Variants in CATSPERD observed in about 807,000 individuals in gnomAD.
CATSPERD encodes the protein catsper channel auxiliary subunit delta, also known as cation channel sperm-associated auxiliary subunit delta.
A neutral mutation model predicts 98.1 loss-of-function variants in CATSPERD; 86 were observed. The observed-to-expected ratio is 0.88, with a 90% CI of 0.74 to 1.05. The LOEUF (loss-of-function observed/expected upper bound fraction) is 1.05. CATSPERD is among the 50% of genes least tolerant of loss of function. The pLI is 0.00. For synonymous variants in CATSPERD, 394 were observed against 390.2 expected (o/e 1.01, Z -0.12); for missense variants, 995 against 1,005.7 (o/e 0.99, Z 0.14).
chr19:5,764,962 G>A (rs1194829006), intron 16 of CATSPERD, among the ~76,000 whole-genome samples: 2 of 151,872 alleles, frequency 1.3e-5, no homozygotes, highest in Non-Finnish European at 2.9e-5. Flanking sequence ...CCAGGCTGCC[G>A]CACAGTAGCA....
Position 5,776,254 on chromosome 19 carries a change from A to G in CATSPERD, c.2035A>G (p.Ile679Val), listed in dbSNP as rs375246776. 2.5e-6 allele frequency: 4 copies of G among 1,614,132 alleles called. No homozygotes were observed. The highest frequency in any genetic ancestry group is 2.5e-6 in the Non-Finnish European group (3 of 1,180,024). The change falls in exon 21 of 22, where the codon ATC (isoleucine) becomes GTC (valine). Residue 679 changes from isoleucine (I) to valine (V), a missense_variant. Physicochemically the swap from Ile to Val is conservative, Grantham distance 29. This residue lies in a region of CATSPERD where 762 missense variants were observed against 773.7 expected (regional missense o/e 0.98). Transcript: ENST00000381624. ...CTTGGGCGGCCGGACAGCAAACCAG[A>G]TCATTTTCGGCCACAATGGCTTTTA... ...QILGGRTANQ[I>V]IFGHNGFYVF...
intron 7 of CATSPERD, among the ~76,000 whole-genome samples, chr19:5,742,270 ATG>A (rs1363751627): frequency 6.3e-5 from 9 of 142,602 alleles, no homozygotes; most frequent in Non-Finnish European, 1.1e-4. Flanking sequence ...GTGCGTGTGC[ATG>A]TGTGTACGTG....
At chr19:5,739,495 A>G (rs1304910762) in intron 7 of CATSPERD, 56 bp downstream of exon 7, 1 of 1,029,944 alleles carries the variant, frequency 9.7e-7, no homozygotes, top group Non-Finnish European at 1.5e-6. Flanking sequence ...TTGTGATTGT[A>G]GTAATTGCTG....
intron 5 of CATSPERD, among the ~76,000 whole-genome samples, chr19:5,735,663 T>C (rs1374842595): frequency 6.6e-6 from 1 of 151,858 alleles, no homozygotes; most frequent in African/African-American, 2.4e-5. Context: ...TTAGTATAGA[T>C]GGGGTTCCAC....
chr19:5,768,309 C>A, intron 18 of CATSPERD, 67 bp downstream of exon 18: 2 of 1,153,930 alleles, frequency 1.7e-6, no homozygotes, highest in Non-Finnish European at 2.4e-6. Flanking sequence ...AAGCCAAGAG[C>A]AAATTAGGAA....
At chr19:5,723,251 G>T (rs2055534877) in intron 1 of CATSPERD, among the ~76,000 whole-genome samples, 1 of 151,376 alleles carries the variant, frequency 6.6e-6, no homozygotes, top group African/African-American at 2.4e-5. Flanking sequence ...TACATTTTGT[G>T]TGTACTTATG....
intron 1 of CATSPERD, among the ~76,000 whole-genome samples, chr19:5,723,526 G>A (rs1437373013): frequency 6.9e-6 from 1 of 145,438 alleles, no homozygotes; most frequent in African/African-American, 2.6e-5. Context: ...GTGCAATGGC[G>A]CCATCTCGGC....
intron 6 of CATSPERD, among the ~76,000 whole-genome samples, chr19:5,738,514 G>A (rs1422317272): frequency 6.6e-6 from 1 of 152,080 alleles, no homozygotes; most frequent in African/African-American, 2.4e-5. Flanking sequence ...TGGGGCAATA[G>A]AGCCAGAACT....
At chr19:5,744,141 G>A (rs1285209069) in intron 7 of CATSPERD, among the ~76,000 whole-genome samples, 2 of 151,862 alleles carry the variant, frequency 1.3e-5, no homozygotes, top group East Asian at 1.9e-4. Context: ...CACCACACCC[G>A]GCTAATTTTT....
chr19:5,753,211 G>A (rs748203609), intron 12 of CATSPERD, among the ~76,000 whole-genome samples: 44 of 151,984 alleles, frequency 2.9e-4, no homozygotes, highest in South Asian at 6.3e-4. Flanking sequence ...GTTGGGAAAC[G>A]GGCAAGACTG....
chr19:5,746,165 A>G, intron 9 of CATSPERD, 102 bp downstream of exon 9: 3 of 1,259,970 alleles, frequency 2.4e-6, no homozygotes, highest in Non-Finnish European at 1.1e-6. Flanking sequence ...CCCCTCGACC[A>G]CTCGGTTATT....
intron 16 of CATSPERD, 39 bp from the exon 17 acceptor site, chr19:5,766,064 A>T: frequency 6.4e-7 from 1 of 1,568,224 alleles, no homozygotes; most frequent in Non-Finnish European, 8.8e-7. Context: ...GGTGACCCTC[A>T]CTGACCTGGG....
At position 5,766,109 on chromosome 19, in the gene CATSPERD, C is replaced by G. The variant is rs751910899; in HGVS notation, c.1513C>G (p.Leu505Val). The G allele has an allele frequency of 1.2e-6, 2 of 1,613,080 alleles. No homozygotes were observed. The highest frequency in any genetic ancestry group is 3.3e-5 in the Admixed American group (2 of 59,862). ...SCVDIKPLST[L>V]ISVGCDLDKK... Reference sequence around the variant, plus strand: ...CTGTCTCTCTCCTCTGCAGTCGACACTGATTTCAGTTGGCTGCGACCTGGA... The same window carrying G: ...CTGTCTCTCTCCTCTGCAGTCGACAGTGATTTCAGTTGGCTGCGACCTGGA... The change falls in exon 17 of 22, where the codon CTG (leucine) becomes GTG (valine). Residue 505 changes from leucine (L) to valine (V), a missense_variant. Physicochemically the swap from Leu to Val is conservative, Grantham distance 32 (BLOSUM62 1). Coordinates refer to ENST00000381624, the MANE Select transcript of CATSPERD (RefSeq NM_152784.4).
intron 11 of CATSPERD, among the ~76,000 whole-genome samples, chr19:5,749,549 G>A (rs1162905025): frequency 6.6e-6 from 1 of 152,112 alleles, no homozygotes; most frequent in African/African-American, 2.4e-5. Context: ...AATCACTCTA[G>A]TTAGTAAAAC....
At chr19:5,777,715 T>G (rs538612949) in intron 21 of CATSPERD, among the ~76,000 whole-genome samples, 131 of 151,034 alleles carry the variant, frequency 8.7e-4, no homozygotes, top group African/African-American at 2.9e-3. Flanking sequence ...AAGCTCCGTC[T>G]CTACTAAAAA....
At chr19:5,722,272 C>T (rs1487620735) in intron 1 of CATSPERD, among the ~76,000 whole-genome samples, 1 of 152,086 alleles carries the variant, frequency 6.6e-6, no homozygotes, top group Non-Finnish European at 1.5e-5. Flanking sequence ...TGGGCGCCTG[C>T]CACCACGTGC....
At position 5,729,879 on chromosome 19, in the gene CATSPERD, G is replaced by C; in HGVS notation, c.211G>C (p.Val71Leu). 6.3e-7 allele frequency: 1 copy of C among 1,580,670 alleles called. No individual in the cohort carries two copies. The highest frequency in any genetic ancestry group is 8.6e-7 in the Non-Finnish European group (1 of 1,156,260). Residue 71 changes from valine to leucine, a missense_variant, in exon 4 of 22, where the codon GTT (valine) becomes CTT (leucine). Val to Leu is a conservative substitution (Grantham distance 32). Around this residue, in one of 3 missense-constraint regions of CATSPERD, gnomAD observed 228 missense variants for 209.6 expected, o/e 1.09. Coordinates refer to ENST00000381624, the MANE Select transcript of CATSPERD (RefSeq NM_152784.4). ...ATTTATTGTTTATTTCAGGAAACAAGTTTTTTTCACAATGGATAACTTTGA... is the reference window on the plus strand; with the variant it reads ...ATTTATTGTTTATTTCAGGAAACAACTTTTTTTCACAATGGATAACTTTGA... Reference protein sequence around the residue: ...KNIALYLGKQVFFTMDNFETS... With the variant: ...KNIALYLGKQLFFTMDNFETS...
rs554106600 is a variant in CATSPERD, at chr19:5,732,248, G to A, written c.277-1608G>A. On this transcript the variant is annotated intron_variant, in intron 4 of 21. Coordinates refer to ENST00000381624, the MANE Select transcript of CATSPERD (RefSeq NM_152784.4). ...GTTCTCCCAGAGTGCTAGGATTACA[G>A]GCATGAGCCACCACGCCCAGCTTCA... 1.2e-4 allele frequency among the ~76,000 whole-genome samples: 19 copies of A among 152,162 alleles called. No individual in the cohort carries two copies. In the South Asian group the frequency reaches 3.3e-3, roughly 27 times the overall value.
chr19:5,726,103 C>A (rs1486083790), intron 2 of CATSPERD, among the ~76,000 whole-genome samples: 1 of 150,700 alleles, frequency 6.6e-6, no homozygotes. Context: ...GCTCTGTCAC[C>A]CAGGCTGGAG....
Sources: allele counts gnomAD v4.1 joint callset (sites outside exome capture counted in the v4.1 genomes callset), GRCh38; gene constraint gnomAD v4.1.1; regional missense constraint gnomAD v4.1.1; transcripts MANE v1.5; gene names NCBI Gene and HGNC (gene_info 2026-07-23, HGNC 2026-07-21).